The following CYBRD1 variants were observed in gnomAD, a reference collection of about 807,000 sequenced individuals.
CYBRD1 encodes the protein cytochrome b reductase 1.
Under a neutral mutation model 21.9 loss-of-function variants are expected in CYBRD1, and 14 were observed. That is an observed-to-expected ratio of 0.64 (90% CI 0.42 to 1.00). The LOEUF (loss-of-function observed/expected upper bound fraction) is 1.00. Among genes scored for constraint, CYBRD1 ranks in the 50% least tolerant of loss-of-function variants. CYBRD1 has a pLI of 0.00. For synonymous variants in CYBRD1, 146 were observed against 136.5 expected (o/e 1.07, Z -0.48); for missense variants, 328 against 352.5 (o/e 0.93, Z 0.56).
Position 171,522,564 on chromosome 2 carries a change from T to A in CYBRD1, c.19T>A (p.Trp7Arg), listed in dbSNP as rs1203213191. MAMEGY[W>R]RFLALLGSAL... The stretch of plus-strand genomic sequence containing the variant: ...GGCGCTGATGGCCATGGAGGGCTAC[T>A]GGCGCTTCCTGGCGCTGCTGGGGTC... Residue 7 changes from tryptophan (W) to arginine (R), a missense_variant, in exon 1 of 4, where the codon TGG becomes AGG. Trp to Arg is a moderately radical substitution (Grantham distance 101). Coordinates refer to ENST00000321348, the MANE Select transcript of CYBRD1 (RefSeq NM_024843.4). The surrounding 1 kb of genome is among the most constrained non-coding windows in gnomAD (Gnocchi z 4.3). The A allele has an allele frequency of 6.2e-7, 1 of 1,606,824 alleles. No homozygotes were observed. The highest frequency in any genetic ancestry group is 1.7e-5 in the Admixed American group (1 of 58,158).
At chr2:171,552,310 A>G (rs1683389746) in intron 2 of CYBRD1, among the ~76,000 whole-genome samples, 1 of 147,106 alleles carries the variant, frequency 6.8e-6, no homozygotes, top group African/African-American at 2.4e-5. Flanking sequence ...GCAGTCTGTT[A>G]AAGTGACAAA....
rs1161521250 is a variant in CYBRD1 at position 171,541,688 on chromosome 2, C to G, written c.297C>G (p.Ile99Met). Residue 99 changes from isoleucine to methionine, a missense_variant, in exon 2 of 4, where the codon ATC (isoleucine) becomes ATG (methionine). Coordinates refer to ENST00000321348, the MANE Select transcript of CYBRD1 (RefSeq NM_024843.4). ...LNAVAAILAI[I>M]SVVAVFENHN... ...CAGTTGCTGCCATTCTTGCAATTAT[C>G]TCTGTGGTGGCCGTGTTTGAGAACC... The G allele has an allele frequency of 1.2e-6, 2 of 1,613,886 alleles. No homozygotes were observed. The highest frequency in any genetic ancestry group is 4.5e-5 in the East Asian group (2 of 44,878).
At chr2:171,529,340 TGACC>T (rs898110313) in intron 1 of CYBRD1, among the ~76,000 whole-genome samples, 24 of 152,026 alleles carry the variant, frequency 1.6e-4, no homozygotes, top group Admixed American at 5.9e-4. Context: ...GAGACCAGCC[TGACC>T]AACATGGAGA....
At chr2:171,526,575 G>A (rs1017432054) in intron 1 of CYBRD1, among the ~76,000 whole-genome samples, 13 of 152,140 alleles carry the variant, frequency 8.5e-5, no homozygotes, top group African/African-American at 2.9e-4. Context: ...CTAGCTAACA[G>A]ACTCTAACAT....
intron 2 of CYBRD1, among the ~76,000 whole-genome samples, chr2:171,544,506 A>G (rs768200917): frequency 1.5e-4 from 23 of 151,992 alleles, no homozygotes; most frequent in Non-Finnish European, 3.2e-4. Flanking sequence ...TTACTTTTCT[A>G]CTCTAGTACA....
intron 1 of CYBRD1, among the ~76,000 whole-genome samples, chr2:171,532,713 A>C (rs1240411103): frequency 6.6e-6 from 1 of 152,076 alleles, no homozygotes; most frequent in Non-Finnish European, 1.5e-5. Flanking sequence ...AGGCAGGAGA[A>C]TATCTTGAGC....
chr2:171,528,951 C>A (rs1289912825), intron 1 of CYBRD1, among the ~76,000 whole-genome samples: 1 of 152,206 alleles, frequency 6.6e-6, no homozygotes, highest in Non-Finnish European at 1.5e-5. Context: ...ACAGTATTAT[C>A]TAAATTCTGA....
chr2:171,524,687 G>A (rs1489788774), intron 1 of CYBRD1, among the ~76,000 whole-genome samples: 6 of 152,178 alleles, frequency 3.9e-5, no homozygotes, highest in Non-Finnish European at 5.9e-5. Context: ...TGACCTTATC[G>A]TCAAAGTTGG....
intron 2 of CYBRD1, among the ~76,000 whole-genome samples, chr2:171,545,124 G>A (rs1697689788): frequency 7.4e-6 from 1 of 135,486 alleles, no homozygotes. Context: ...GGGTGACACA[G>A]CAAGACCCTG....
At chr2:171,533,105 G>T (rs370961834) in intron 1 of CYBRD1, among the ~76,000 whole-genome samples, 1 of 152,050 alleles carries the variant, frequency 6.6e-6, no homozygotes, top group Non-Finnish European at 1.5e-5. Context: ...GGTGGCTCAC[G>T]CCTGTAATCC....
chr2:171,524,173 C>A (rs1184184751), intron 1 of CYBRD1, among the ~76,000 whole-genome samples: 1 of 152,030 alleles, frequency 6.6e-6, no homozygotes, highest in African/African-American at 2.4e-5. Flanking sequence ...CAAAGGCTTC[C>A]CTGGTGTGAG....
rs746305730 is a variant in CYBRD1 at position 171,554,823 on chromosome 2, T to C, written c.857T>C (p.Met286Thr). 7 of 1,612,690 alleles carry C rather than the reference T, an allele frequency of 4.3e-6. No individual in the cohort carries two copies. Among genetic ancestry groups the C allele is most frequent in the Non-Finnish European group, 5.9e-6 (7 of 1,179,818 alleles). Residue 286 changes from methionine (M) to threonine (T), a missense_variant, in exon 4 of 4, where the codon ATG becomes ACG. Physicochemically the swap from Met to Thr is moderately conservative, Grantham distance 81. Transcript: ENST00000321348. ...GATGAGGCTGGGCAGAGATCTACCA[T>C]GTAAAATGTTGTAGAGATAGAGCCA... The part of the protein sequence containing the change: ...ALDEAGQRST[M>T]
At position 171,545,894 on chromosome 2, in the gene CYBRD1, C is replaced by T. The variant is rs143262042; in HGVS notation, c.402+4101C>T. 5.1e-3 allele frequency among the ~76,000 whole-genome samples: 779 copies of T among 152,156 alleles called. 6 individuals are homozygous for T. The highest frequency in any genetic ancestry group is 0.02 in the Middle Eastern group (6 of 294). On this transcript the variant is annotated intron_variant, in intron 2 of 3. Coordinates refer to ENST00000321348, the MANE Select transcript of CYBRD1 (RefSeq NM_024843.4). Reference sequence around the variant, plus strand: ...GAAATATACAATAAATTATTACTAACGGTAAACACCCTACCTTAAGTTTTC... The same window carrying T: ...GAAATATACAATAAATTATTACTAATGGTAAACACCCTACCTTAAGTTTTC...
chr2:171,545,723 T>A (rs1265030071), intron 2 of CYBRD1, among the ~76,000 whole-genome samples: 1 of 152,024 alleles, frequency 6.6e-6, no homozygotes, highest in Non-Finnish European at 1.5e-5. Flanking sequence ...TGTATAATAA[T>A]CATAACATAT....
rs959524191 is a variant in CYBRD1 at position 171,554,792 on chromosome 2, G to A, written c.826G>A (p.Ala276Thr). 6 of 1,613,486 alleles carry A rather than the reference G, an allele frequency of 3.7e-6. No homozygotes were observed. The highest frequency in any genetic ancestry group is 5.1e-6 in the Non-Finnish European group (6 of 1,179,856). Residue 276 changes from alanine (A) to threonine (T), a missense_variant, in exon 4 of 4, where the codon GCT becomes ACT. Transcript: ENST00000321348. Reference sequence around the variant, plus strand: ...AGTAGCAGCAAGGAAAAGAAACTTAGCTCTGGATGAGGCTGGGCAGAGATC... The same window carrying A: ...AGTAGCAGCAAGGAAAAGAAACTTAACTCTGGATGAGGCTGGGCAGAGATC... ...SEVAARKRNL[A>T]LDEAGQRSTM
Position 171,557,084 on chromosome 2 carries a change from A to G in CYBRD1, c.*2257A>G, listed in dbSNP as rs1683499964. 6.6e-6 allele frequency: 1 copy of G among 152,634 alleles called. No homozygotes were observed. The highest frequency in any genetic ancestry group is 6.6e-5 in the Admixed American group (1 of 15,262). 9.5% of individuals were successfully genotyped at this position (152,634 alleles called of 1,614,324 possible). ...ATCTTTCATGTGGGCTAATGTGAGG[A>G]TAATCTTACAGATATTATAGGAATT... On this transcript the variant is annotated 3_prime_UTR_variant, in exon 4 of 4. Coordinates refer to ENST00000321348, the MANE Select transcript of CYBRD1 (RefSeq NM_024843.4).
chr2:171,558,075 T>G lies in CYBRD1; in HGVS notation c.*3248T>G, dbSNP rs1683519530. 1 of 151,742 alleles carries G rather than the reference T, an allele frequency of 6.6e-6. No homozygotes were observed. The highest frequency in any genetic ancestry group is 1.5e-5 in the Non-Finnish European group (1 of 67,956). The allele number at this position is 151,742 out of a possible 1,614,324, so 9.4% of individuals were successfully genotyped here. ...ATATTTTATAATTTTGTAGGAAAAA[T>G]ATGCATCTATTTTTTCTTGACTTCT... is the stretch of plus-strand genomic sequence containing the variant. On this transcript the variant is annotated 3_prime_UTR_variant, in exon 4 of 4. Transcript: ENST00000321348.
chr2:171,527,767 ACAAAACAAAG>A (rs1697406458), intron 1 of CYBRD1, among the ~76,000 whole-genome samples: 1 of 152,142 alleles, frequency 6.6e-6, no homozygotes, highest in African/African-American at 2.4e-5. Flanking sequence ...ATCTTCGAAA[ACAAAACAAAG>A]CAAAACAAAA....
intron 2 of CYBRD1, among the ~76,000 whole-genome samples, chr2:171,552,505 C>T (rs1683396304): frequency 1.3e-5 from 2 of 152,164 alleles, no homozygotes; most frequent in South Asian, 4.1e-4. Context: ...CCCCACTCTC[C>T]TCTCTTTTCA....
Sources: allele counts gnomAD v4.1 joint callset (sites outside exome capture counted in the v4.1 genomes callset), GRCh38; gene constraint gnomAD v4.1.1; non-coding constraint Gnocchi (gnomAD v3.1); transcripts MANE v1.5; gene names NCBI Gene and HGNC (gene_info 2026-07-23, HGNC 2026-07-21).